EPHA6: variants seen among roughly 807,000 people sequenced by gnomAD.
The protein encoded by EPHA6 is ephrin type-A receptor 6.
Under a neutral mutation model 112.0 loss-of-function variants are expected in EPHA6, and 50 were observed. The observed-to-expected ratio is 0.45, with a 90% CI of 0.36 to 0.56. The LOEUF is 0.56. Among genes scored for constraint, EPHA6 ranks in the 20% least tolerant of loss-of-function variants. EPHA6 has a pLI of 0.00. For missense variants in EPHA6, 1,280 were observed against 1,417.4 expected, an observed-to-expected ratio of 0.90 and a Z score of 1.56; for synonymous variants, 529 against 490.7, an observed-to-expected ratio of 1.08 and a Z score of -1.03.
chr3:97,195,500 C>G (rs777439740), intron 3 of EPHA6, among the ~76,000 whole-genome samples: 1 of 151,924 alleles, frequency 6.6e-6, no homozygotes, highest in Non-Finnish European at 1.5e-5. Context: ...TTTAGTCTTT[C>G]TAGTCAAGAG....
chr3:96,836,176 C>G (rs2034398039), intron 1 of EPHA6, among the ~76,000 whole-genome samples: 1 of 152,058 alleles, frequency 6.6e-6, no homozygotes, highest in African/African-American at 2.4e-5. Context: ...AATCACTTTT[C>G]TTGGCATCAT....
chr3:97,698,590 A>G (rs1002941781), intron 14 of EPHA6, among the ~76,000 whole-genome samples: 6 of 152,186 alleles, frequency 3.9e-5, no homozygotes, highest in Admixed American at 1.3e-4. Flanking sequence ...AGCTCTGTAC[A>G]TTTATAGGAC....
chr3:96,926,673 G>A (rs2040051348), intron 2 of EPHA6, among the ~76,000 whole-genome samples: 1 of 152,246 alleles, frequency 6.6e-6, no homozygotes, highest in Non-Finnish European at 1.5e-5. Context: ...CCAAACATTA[G>A]CATGGCAGTT....
chr3:97,516,463 G>A (rs576401495), intron 10 of EPHA6, among the ~76,000 whole-genome samples: 2 of 152,112 alleles, frequency 1.3e-5, no homozygotes, highest in Non-Finnish European at 2.9e-5. Flanking sequence ...ATATGTAGAA[G>A]GTATGCTATA....
chr3:97,247,708 G>A (rs1212945735), intron 5 of EPHA6, among the ~76,000 whole-genome samples: 1 of 151,752 alleles, frequency 6.6e-6, no homozygotes, highest in Admixed American at 6.6e-5. Context: ...TCTAAAATTT[G>A]GAAAAATGAA....
rs80316850 is a variant in EPHA6, at chr3:97,088,753, C to T, written c.1114+100760C>T. Among the ~76,000 whole-genome samples the T allele has an allele frequency of 1.9e-3, 292 of 152,204 alleles. 1 individual carries two copies. Among genetic ancestry groups the T allele is most frequent in the Non-Finnish European group, 2.9e-3 (198 of 68,018 alleles). ...ATTCCTTTGTACTTTGATCGTCAGC[C>T]TCTATGATTTCCTCCCAGTGTCTGT... On this transcript the variant is annotated intron_variant, in intron 3 of 17. Coordinates refer to ENST00000389672, the MANE Select transcript of EPHA6 (RefSeq NM_001080448.3).
intron 3 of EPHA6, among the ~76,000 whole-genome samples, chr3:97,056,486 C>G (rs1037248484): frequency 1.3e-5 from 2 of 152,252 alleles, no homozygotes; most frequent in African/African-American, 4.8e-5. Context: ...CTAGTTTGAC[C>G]TTCTCCCTCA....
At chr3:97,602,719 C>A (rs1260123330) in intron 12 of EPHA6, among the ~76,000 whole-genome samples, 1 of 152,026 alleles carries the variant, frequency 6.6e-6, no homozygotes, top group East Asian at 1.9e-4. Flanking sequence ...GTGCCTAGCA[C>A]ATTGAAGAAC....
At chr3:97,058,996 G>T (rs945467413) in intron 3 of EPHA6, among the ~76,000 whole-genome samples, 2 of 152,102 alleles carry the variant, frequency 1.3e-5, no homozygotes, top group Non-Finnish European at 2.9e-5. Flanking sequence ...GGAGTGGGGG[G>T]ACGCAGATTA....
chr3:97,076,121 A>T (rs904350066), intron 3 of EPHA6, among the ~76,000 whole-genome samples: 2 of 152,106 alleles, frequency 1.3e-5, no homozygotes, highest in African/African-American at 2.4e-5. Flanking sequence ...CTCTCACTTT[A>T]AATAAAAAGC....
chr3:97,535,465 T>C (rs1047957508), intron 11 of EPHA6, among the ~76,000 whole-genome samples: 2 of 151,904 alleles, frequency 1.3e-5, no homozygotes, highest in Non-Finnish European at 2.9e-5. Flanking sequence ...CCAAGGTGGG[T>C]TGTAGAGATG....
At chr3:96,898,878 A>AG (rs2038434536) in intron 2 of EPHA6, among the ~76,000 whole-genome samples, 2 of 151,798 alleles carry the variant, frequency 1.3e-5, no homozygotes, top group South Asian at 4.2e-4. Flanking sequence ...AAATACAAAA[A>AG]TTAGCCGGGC....
intron 4 of EPHA6, among the ~76,000 whole-genome samples, chr3:97,237,296 C>A (rs970726244): frequency 3.3e-5 from 5 of 151,680 alleles, no homozygotes; most frequent in South Asian, 2.1e-4. Flanking sequence ...TTAAAATAAC[C>A]CTTACACTAC....
intron 4 of EPHA6, among the ~76,000 whole-genome samples, chr3:97,242,443 CAG>C (rs2078874589): frequency 1.3e-5 from 2 of 151,842 alleles, no homozygotes; most frequent in Non-Finnish European, 2.9e-5. Context: ...TTACCTAAAA[CAG>C]GGGTCCACCT....
At chr3:97,465,234 ACT>A (rs2091014259) in intron 7 of EPHA6, among the ~76,000 whole-genome samples, 1 of 151,958 alleles carries the variant, frequency 6.6e-6, no homozygotes, top group Non-Finnish European at 1.5e-5. Context: ...TTTTTACTTA[ACT>A]CAATTCCCTA....
intron 4 of EPHA6, among the ~76,000 whole-genome samples, chr3:97,239,167 G>A (rs2078768363): frequency 6.6e-6 from 1 of 151,866 alleles, no homozygotes; most frequent in Non-Finnish European, 1.5e-5. Context: ...TGAATTTTGA[G>A]TAATATTTAC....
chr3:97,435,430 G>C (rs1422206767), intron 6 of EPHA6, among the ~76,000 whole-genome samples: 1 of 152,034 alleles, frequency 6.6e-6, no homozygotes, highest in East Asian at 1.9e-4. Flanking sequence ...CAAAAGGTGA[G>C]AGAAAAAATA....
At chr3:97,031,047 G>A (rs894475119) in intron 3 of EPHA6, among the ~76,000 whole-genome samples, 1 of 151,864 alleles carries the variant, frequency 6.6e-6, no homozygotes, top group Non-Finnish European at 1.5e-5. Flanking sequence ...AAAATTTGAA[G>A]AAAAGTTAAG....
At chr3:97,060,952 T>TAAAAAAA (rs2046002866) in intron 3 of EPHA6, among the ~76,000 whole-genome samples, 1 of 98,520 alleles carries the variant, frequency 1.0e-5, no homozygotes, top group African/African-American at 4.5e-5. Flanking sequence ...AAAAAAAAAG[T>TAAAAAAA]CAGCTAACAC....
Sources: allele counts gnomAD v4.1 joint callset (sites outside exome capture counted in the v4.1 genomes callset), GRCh38; gene constraint gnomAD v4.1.1; transcripts MANE v1.5; gene names NCBI Gene and HGNC (gene_info 2026-07-23, HGNC 2026-07-21).